Variants in SMIM7 observed in about 807,000 individuals in gnomAD.
SMIM7 encodes UPF0608 protein C19orf42.
SMIM7 carries 12 observed loss-of-function variants against 13.3 expected under a neutral mutation model. The ratio of observed to expected loss-of-function variants is 0.90; its 90% confidence interval spans 0.58 to 1.46. The LOEUF (loss-of-function observed/expected upper bound fraction) is 1.46. SMIM7 is among the 40% of genes most tolerant of loss of function. SMIM7 has a pLI of 0.00. For synonymous variants in SMIM7, 36 were observed against 35.8 expected (o/e 1.01, Z -0.02); for missense variants, 114 against 94.8 (o/e 1.20, Z -0.84).
intron 4 of SMIM7, chr19:16,652,885 C>T (rs2122535617): frequency 6.4e-7 from 1 of 1,550,560 alleles, no homozygotes; most frequent in East Asian, 2.4e-5. Flanking sequence ...CAGCAAATCT[C>T]ACAATTCGTT....
At chr19:16,656,770 G>C (rs1430817512) in intron 3 of SMIM7, among the ~76,000 whole-genome samples, 2 of 151,984 alleles carry the variant, frequency 1.3e-5, no homozygotes, top group Admixed American at 6.6e-5. Context: ...ATGGTGGTGG[G>C]TGCCTGTAAT....
At chr19:16,659,282 C>CAAAAAAAAAAAAAAAAAAAAAAAA in intron 3 of SMIM7, 113 bp downstream of exon 3, 1 of 546,478 alleles carries the variant, frequency 1.8e-6, no homozygotes, top group Non-Finnish European at 2.9e-6. Context: ...GACCTTGTGT[C>CAAAAAAAAAAAAAAAAAAAAAAAA]AAAAAAAAAA....
chr19:16,657,634 T>C (rs1253974008), intron 3 of SMIM7, among the ~76,000 whole-genome samples: 2 of 152,148 alleles, frequency 1.3e-5, no homozygotes, highest in Non-Finnish European at 2.9e-5. Context: ...GTGACCATTA[T>C]CTTTTAAGAA....
At chr19:16,650,709 CA>C (rs571019127) in intron 4 of SMIM7, among the ~76,000 whole-genome samples, 6,175 of 98,102 alleles carry the variant, frequency 0.063, 359 homozygotes, top group African/African-American at 0.17. Flanking sequence ...GACTCCACCT[CA>C]AAAAAAAAAA....
Position 16,636,860 on chromosome 19 carries a change from G to T in SMIM7, c.*138-5136C>A, listed in dbSNP as rs373340620. On this transcript the variant is annotated intron_variant and NMD_transcript_variant, in intron 4 of 4. Transcript: ENST00000465250. ...CCCAGCTACTCAGGAGGCTGATGTGGGAGGACAGCTTGAGCTCAGGAGGTT... is the reference window on the plus strand; with the variant it reads ...CCCAGCTACTCAGGAGGCTGATGTGTGAGGACAGCTTGAGCTCAGGAGGTT... Among the ~76,000 whole-genome samples the T allele has an allele frequency of 4.9e-4, 75 of 152,312 alleles. 1 individual carries two copies. The highest frequency in any genetic ancestry group is 1.7e-3 in the African/African-American group (72 of 41,566).
intron 4 of SMIM7, among the ~76,000 whole-genome samples, chr19:16,633,056 A>G (rs1189818517): frequency 6.6e-6 from 1 of 152,194 alleles, no homozygotes; most frequent in Admixed American, 6.6e-5. Context: ...AGTTCCCCAC[A>G]ATGGGAAGGT....
chr19:16,644,502 T>A (rs2086430834), downstream of SMIM7, among the ~76,000 whole-genome samples: 1 of 151,062 alleles, frequency 6.6e-6, no homozygotes, highest in South Asian at 2.1e-4. Context: ...ACTGGCACGA[T>A]CTCAGCTCAC....
At chr19:16,635,110 C>T (rs1312715917) in intron 4 of SMIM7, 4 of 151,998 alleles carry the variant, frequency 2.6e-5, no homozygotes, top group Admixed American at 1.3e-4. Flanking sequence ...GCCTATAATC[C>T]TAGCACTCTG....
intron 4 of SMIM7, chr19:16,639,951 T>C (rs1178936924): frequency 6.6e-6 from 1 of 152,234 alleles, no homozygotes; most frequent in Non-Finnish European, 1.5e-5. Context: ...TTTCGGTTTT[T>C]TGTTTTTTTT....
At chr19:16,643,257 G>A (rs1425191858), downstream of SMIM7, among the ~76,000 whole-genome samples, 1 of 152,234 alleles carries the variant, frequency 6.6e-6, no homozygotes, top group African/African-American at 2.4e-5. Flanking sequence ...ACCACACCTA[G>A]ATGATTATGC....
At chr19:16,647,303 G>A (rs1444677785) in intron 4 of SMIM7, 42 bp from the exon 5 acceptor site, 6 of 1,612,438 alleles carry the variant, frequency 3.7e-6, no homozygotes, top group South Asian at 2.2e-5. Context: ...AGGATAGGAG[G>A]TGACTGTTCT....
chr19:16,652,202 TTTA>T (rs757555194), intron 4 of SMIM7, among the ~76,000 whole-genome samples: 4 of 152,150 alleles, frequency 2.6e-5, no homozygotes, highest in Admixed American at 6.6e-5. Context: ...TAGGTCTTGA[TTTA>T]TTATTATTTG....
intron 4 of SMIM7, among the ~76,000 whole-genome samples, chr19:16,647,706 T>C (rs1307263064): frequency 1.3e-5 from 2 of 152,104 alleles, no homozygotes; most frequent in African/African-American, 4.8e-5. Flanking sequence ...TCCACCCGCC[T>C]CAGCCTCCCA....
At chr19:16,641,731 T>C (rs577186562), downstream of SMIM7, among the ~76,000 whole-genome samples, 5 of 152,306 alleles carry the variant, frequency 3.3e-5, no homozygotes, top group South Asian at 1.0e-3. Flanking sequence ...CCTGAGTAGC[T>C]TGGACTATAA....
At chr19:16,652,431 G>A (rs2086538923) in intron 4 of SMIM7, 1 of 564,168 alleles carries the variant, frequency 1.8e-6, no homozygotes. Flanking sequence ...TGAACTCCTG[G>A]GCTCAAGCAA....
At chr19:16,634,686 G>A (rs924728611) in intron 4 of SMIM7, 1 of 149,024 alleles carries the variant, frequency 6.7e-6, no homozygotes, top group East Asian at 2.0e-4. Context: ...GCTGAGGTAG[G>A]AGAACCACTT....
intron 4 of SMIM7, chr19:16,635,228 T>C (rs978800493): frequency 2.7e-5 from 4 of 148,802 alleles, no homozygotes; most frequent in Non-Finnish European, 5.9e-5. Flanking sequence ...TTAGGCATGG[T>C]GGTACATGCC....
chr19:16,654,285 T>C (rs2086567542), intron 3 of SMIM7, among the ~76,000 whole-genome samples, 160 bp from the exon 4 acceptor site: 1 of 148,042 alleles, frequency 6.8e-6, no homozygotes, highest in African/African-American at 2.6e-5. Context: ...TTCCCTACCC[T>C]CATCAGGCTG....
At chr19:16,631,026 T>A (rs905372422) in exon 5 of SMIM7, 2 of 152,148 alleles carry the variant, frequency 1.3e-5, no homozygotes, top group African/African-American at 4.8e-5. Context: ...CAACAAGGTC[T>A]TTTGTGCTTG....
Sources: gnomAD v4.1 joint callset for allele counts (sites outside exome capture counted in the v4.1 genomes callset) on GRCh38, gnomAD v4.1.1 for gene constraint, MANE v1.5 for transcripts, NCBI Gene and HGNC (gene_info 2026-07-23, HGNC 2026-07-21) for gene names.